The following AKAP19 variants were observed in gnomAD, a reference collection of about 807,000 sequenced individuals.
The protein encoded by AKAP19 is small A-kinase anchoring protein.
chr2:189,907,284 A>G, the AKAP19 span, among the ~76,000 whole-genome samples: 1 of 151,986 alleles, frequency 6.6e-6, no homozygotes, highest in Non-Finnish European at 1.5e-5. Context: ...CTCCGATCCC[A>G]TGTTTCATTT....
chr2:189,885,796 G>A, the AKAP19 span, among the ~76,000 whole-genome samples: 2 of 151,980 alleles, frequency 1.3e-5, no homozygotes, highest in East Asian at 1.9e-4. Flanking sequence ...AAATGTTCTA[G>A]CATTAATTTT....
chr2:190,048,032 G>A, the AKAP19 span, among the ~76,000 whole-genome samples: 1 of 152,204 alleles, frequency 6.6e-6, no homozygotes, highest in South Asian at 2.1e-4. Context: ...GGATGAATAT[G>A]GGTAGGGTTG....
chr2:190,164,877 T>C, the AKAP19 span, among the ~76,000 whole-genome samples: 1 of 152,178 alleles, frequency 6.6e-6, no homozygotes, highest in Non-Finnish European at 1.5e-5. Context: ...TGGGAGCTAC[T>C]GTAAATACAG....
the AKAP19 span, among the ~76,000 whole-genome samples, chr2:190,191,921 CTT>C: frequency 6.6e-6 from 1 of 150,472 alleles, no homozygotes; most frequent in East Asian, 2.0e-4. Context: ...TTTTTTCAAT[CTT>C]TTAACTGTGT....
the AKAP19 span, chr2:189,930,703 G>T: frequency 7.6e-6 from 4 of 525,510 alleles, no homozygotes; most frequent in South Asian, 2.6e-5. Context: ...AAATTGAATT[G>T]GGTCCCCATA....
chr2:190,001,760 C>G, the AKAP19 span, among the ~76,000 whole-genome samples: 1 of 152,176 alleles, frequency 6.6e-6, no homozygotes, highest in Non-Finnish European at 1.5e-5. Flanking sequence ...GTTTTACTTT[C>G]CACAGGACCC....
the AKAP19 span, among the ~76,000 whole-genome samples, chr2:189,949,631 C>CTTTTTTTTT: frequency 8.5e-6 from 1 of 117,776 alleles, no homozygotes; most frequent in Non-Finnish European, 1.8e-5. Flanking sequence ...CTTTTTCTTT[C>CTTTTTTTTT]TTTTTTTTTT....
the AKAP19 span, among the ~76,000 whole-genome samples, chr2:189,952,519 T>C: frequency 6.6e-6 from 1 of 152,230 alleles, no homozygotes; most frequent in African/African-American, 2.4e-5. Flanking sequence ...AGCAAGAATT[T>C]AGCTCTTTTA....
the AKAP19 span, among the ~76,000 whole-genome samples, chr2:189,885,664 G>T: frequency 4.5e-3 from 681 of 152,208 alleles, 6 homozygotes; most frequent in African/African-American, 0.015. Context: ...TTACTGAAAG[G>T]CCTTTTTGGT....
At chr2:190,111,146 A>G in the AKAP19 span, among the ~76,000 whole-genome samples, 1 of 152,204 alleles carries the variant, frequency 6.6e-6, no homozygotes, top group Non-Finnish European at 1.5e-5. Flanking sequence ...ATACATGGGC[A>G]TAGCAAGGGG....
the AKAP19 span, among the ~76,000 whole-genome samples, chr2:189,883,028 TA>T: frequency 6.6e-6 from 1 of 152,280 alleles, no homozygotes; most frequent in South Asian, 2.1e-4. Context: ...TATTCCTCCT[TA>T]AAACACTACA....
At chr2:190,139,537 A>G in the AKAP19 span, among the ~76,000 whole-genome samples, 138,600 of 152,186 alleles carry the variant, frequency 0.91, 64,037 homozygotes, top group East Asian at 1. Flanking sequence ...GCCTCAGGAC[A>G]CCTACAATCA....
the AKAP19 span, among the ~76,000 whole-genome samples, chr2:189,881,362 G>C: frequency 6.6e-6 from 1 of 152,136 alleles, no homozygotes; most frequent in Non-Finnish European, 1.5e-5. Context: ...GTCTCCAAAG[G>C]ATTGTTCTCC....
At chr2:190,125,084 T>C in the AKAP19 span, among the ~76,000 whole-genome samples, 2 of 152,194 alleles carry the variant, frequency 1.3e-5, no homozygotes, top group African/African-American at 4.8e-5. Flanking sequence ...AAGGACCTTC[T>C]GGAGGCTGTT....
chr2:190,115,004 A>G, the AKAP19 span, among the ~76,000 whole-genome samples: 3 of 151,016 alleles, frequency 2.0e-5, no homozygotes. Flanking sequence ...TAGAGATCTA[A>G]TTGTTTTTCA....
At chr2:190,111,655 A>G in the AKAP19 span, among the ~76,000 whole-genome samples, 1 of 152,092 alleles carries the variant, frequency 6.6e-6, no homozygotes, top group South Asian at 2.1e-4. Flanking sequence ...AAAATTAGAT[A>G]GATAGACAGA....
the AKAP19 span, among the ~76,000 whole-genome samples, chr2:189,887,313 C>A: frequency 6.6e-6 from 1 of 152,128 alleles, no homozygotes; most frequent in Non-Finnish European, 1.5e-5. Flanking sequence ...TTAACTCATC[C>A]TTTTTATGAC....
At chr2:190,169,435 T>A in the AKAP19 span, among the ~76,000 whole-genome samples, 1 of 152,160 alleles carries the variant, frequency 6.6e-6, no homozygotes, top group South Asian at 2.1e-4. Context: ...ACTAAGAGCA[T>A]GAGGCACTCT....
chr2:190,130,166 A>G, the AKAP19 span, among the ~76,000 whole-genome samples: 57 of 152,320 alleles, frequency 3.7e-4, 1 homozygote, highest in Admixed American at 9.2e-4. Flanking sequence ...CTAGTACTCT[A>G]TCATTCATTC....
Sources: gnomAD v4.1 joint callset for allele counts (sites outside exome capture counted in the v4.1 genomes callset) on GRCh38, gnomAD v4.1.1 for gene constraint, MANE v1.5 for transcripts, NCBI Gene and HGNC (gene_info 2026-07-23, HGNC 2026-07-21) for gene names.